NOL4L: variants seen among roughly 807,000 people sequenced by gnomAD.
The protein encoded by NOL4L is nucleolar protein 4 like.
In NOL4L, 7 loss-of-function variants were observed where a neutral mutation model predicts 64.5. The observed-to-expected ratio is 0.11, with a 90% CI of 0.06 to 0.20. NOL4L has a LOEUF of 0.20. NOL4L is among the 10% of genes least tolerant of loss of function. The pLI, the probability that NOL4L is intolerant of heterozygous loss-of-function variation, is 1.00. For synonymous variants in NOL4L, 413 were observed against 401.0 expected, an observed-to-expected ratio of 1.03 and a Z score of -0.36; for missense variants, 680 against 967.1, an observed-to-expected ratio of 0.70 and a Z score of 3.94.
At chr20:32,546,877 A>T (rs763462758) in intron 1 of NOL4L, among the ~76,000 whole-genome samples, 2 of 152,196 alleles carry the variant, frequency 1.3e-5, no homozygotes, top group Non-Finnish European at 2.9e-5. Context: ...CTTGTTCACC[A>T]CTGCATCCCC....
chr20:32,541,241 C>T (rs2018650400), intron 1 of NOL4L, among the ~76,000 whole-genome samples: 1 of 152,116 alleles, frequency 6.6e-6, no homozygotes, highest in Admixed American at 6.5e-5. Flanking sequence ...AGTAGGCACT[C>T]GACAACTATT....
In NOL4L at chr20:32,575,028, C is replaced by G. The variant is rs116528259; in HGVS notation, c.321+9542G>C. Among the ~76,000 whole-genome samples the G allele has an allele frequency of 8.4e-3, 1,278 of 152,286 alleles. 23 individuals are homozygous for G. The highest frequency in any genetic ancestry group is 0.031 in the Middle Eastern group (9 of 294). On this transcript the variant is annotated intron_variant, in intron 1 of 10. Transcript: ENST00000621426. The stretch of plus-strand genomic sequence containing the variant: ...GCTGGTCCGTCGAGGAAACCCGTCA[C>G]GCCTTTCTCCCCTCACCTCACTATG...
intron 4 of NOL4L, chr20:32,483,300 G>T (rs1316893832): frequency 2.1e-6 from 2 of 932,420 alleles, no homozygotes; most frequent in Non-Finnish European, 2.6e-6. Context: ...GCCGGAGAAG[G>T]GGGGCGGCGG....
chr20:32,552,435 C>G (rs889489367), intron 1 of NOL4L, among the ~76,000 whole-genome samples: 6 of 152,068 alleles, frequency 3.9e-5, no homozygotes, highest in Admixed American at 1.3e-4. Context: ...GCCTATAATC[C>G]CAACACTTTG....
At chr20:32,544,143 T>C (rs1241085696) in intron 1 of NOL4L, among the ~76,000 whole-genome samples, 1 of 152,026 alleles carries the variant, frequency 6.6e-6, no homozygotes, top group Non-Finnish European at 1.5e-5. Flanking sequence ...TTTTAAATGA[T>C]CCCTCTGACT....
intron 3 of NOL4L, among the ~76,000 whole-genome samples, chr20:32,517,538 A>G (rs1179099638): frequency 6.6e-6 from 1 of 152,224 alleles, no homozygotes; most frequent in Non-Finnish European, 1.5e-5. Context: ...CTTAGCAGAC[A>G]GTGGAGCCTT....
chr20:32,475,701 C>G lies in NOL4L; in HGVS notation c.700-959G>C, dbSNP rs191467473. On this transcript the variant is annotated intron_variant, in intron 4 of 10. Transcript: ENST00000621426. ...CACACCCGGAGTTCTGGCCTCCCCC[C>G]AGCAAGACACAATGGCCTCTGTGGG... 2.4e-3 allele frequency among the ~76,000 whole-genome samples: 366 copies of G among 152,310 alleles called. 3 individuals carry two copies. The highest frequency in any genetic ancestry group is 8.0e-3 in the African/African-American group (333 of 41,574).
chr20:32,468,759 C>T (rs1423407841), intron 5 of NOL4L, among the ~76,000 whole-genome samples: 1 of 151,866 alleles, frequency 6.6e-6, no homozygotes, highest in Admixed American at 6.6e-5. Flanking sequence ...ATTAGCCAGG[C>T]GTGGTGGTGC....
intron 4 of NOL4L, among the ~76,000 whole-genome samples, chr20:32,506,910 G>A (rs2017162267): frequency 6.6e-6 from 1 of 152,140 alleles, no homozygotes; most frequent in Non-Finnish European, 1.5e-5. Context: ...CCATCACGTG[G>A]GCTCAGACAA....
Position 32,474,087 on chromosome 20 carries a change from G to C in NOL4L, c.841+514C>G, listed in dbSNP as rs2015218735. 3.3e-5 allele frequency among the ~76,000 whole-genome samples: 5 copies of C among 152,348 alleles called. No individual in the cohort carries two copies. In the South Asian group the frequency reaches 1.0e-3, roughly 32 times the overall value. ...CCCTGCGCGGAGGCGGTCAGGGCTA[G>C]GGAAGAATCCGGACAGCTCCCCAGC... On this transcript the variant is annotated intron_variant, in intron 5 of 10. Transcript: ENST00000621426.
chr20:32,544,808 C>CAACA (rs1451299142), intron 1 of NOL4L, among the ~76,000 whole-genome samples: 1 of 152,228 alleles, frequency 6.6e-6, no homozygotes, highest in Non-Finnish European at 1.5e-5. Context: ...CCTTTGCTAT[C>CAACA]AACAGCCTTG....
intron 3 of NOL4L, among the ~76,000 whole-genome samples, chr20:32,518,189 A>G (rs2017758685): frequency 6.6e-6 from 1 of 152,186 alleles, no homozygotes. Flanking sequence ...CCTGGGACAG[A>G]GATGGCATTG....
At chr20:32,512,783 T>C (rs1347800795) in intron 3 of NOL4L, among the ~76,000 whole-genome samples, 1 of 152,232 alleles carries the variant, frequency 6.6e-6, no homozygotes, top group Non-Finnish European at 1.5e-5. Flanking sequence ...TATGGCCATG[T>C]AATATTTTAC....
At chr20:32,581,594 T>G (rs1980477054) in intron 1 of NOL4L, among the ~76,000 whole-genome samples, 1 of 152,122 alleles carries the variant, frequency 6.6e-6, no homozygotes, top group Admixed American at 6.5e-5. Flanking sequence ...GCCTGTCTGC[T>G]GGATGACCCA....
At chr20:32,522,887 T>C (rs2017995147) in intron 2 of NOL4L, among the ~76,000 whole-genome samples, 1 of 151,832 alleles carries the variant, frequency 6.6e-6, no homozygotes, top group Non-Finnish European at 1.5e-5. Context: ...GAGGGCCAGG[T>C]CCCTACCATG....
At chr20:32,561,753 C>T (rs1168340513) in intron 1 of NOL4L, among the ~76,000 whole-genome samples, 1 of 152,198 alleles carries the variant, frequency 6.6e-6, no homozygotes, top group East Asian at 1.9e-4. Context: ...TCCCCTGTGA[C>T]TCAGTTTTCT....
At chr20:32,501,371 C>T (rs556582192) in intron 4 of NOL4L, among the ~76,000 whole-genome samples, 1 of 152,108 alleles carries the variant, frequency 6.6e-6, no homozygotes, top group Admixed American at 6.6e-5. Context: ...CTGTCAAAGC[C>T]CAAAGAAGAC....
intron 4 of NOL4L, among the ~76,000 whole-genome samples, chr20:32,491,412 A>G (rs1027550328): frequency 6.6e-6 from 1 of 152,156 alleles, no homozygotes; most frequent in Non-Finnish European, 1.5e-5. Context: ...CCAAATCAAG[A>G]TCCCTCCACA....
chr20:32,477,900 A>G (rs2015492676), intron 4 of NOL4L, among the ~76,000 whole-genome samples: 2 of 152,222 alleles, frequency 1.3e-5, no homozygotes, highest in South Asian at 4.1e-4. Context: ...GATTAGGAGG[A>G]GCACCCAGTG....
Sources: gnomAD v4.1 joint callset for allele counts (sites outside exome capture counted in the v4.1 genomes callset) on GRCh38, gnomAD v4.1.1 for gene constraint, MANE v1.5 for transcripts, NCBI Gene and HGNC (gene_info 2026-07-23, HGNC 2026-07-21) for gene names.